The following ZNF770 variants were observed in gnomAD, a reference collection of about 807,000 sequenced individuals.
ZNF770 encodes the protein zinc finger protein 770.
ZNF770 carries 13 observed loss-of-function variants against 44.8 expected under a neutral mutation model. The ratio of observed to expected loss-of-function variants is 0.29; its 90% confidence interval spans 0.19 to 0.46. The LOEUF (loss-of-function observed/expected upper bound fraction) is 0.46. Among genes scored for constraint, ZNF770 ranks in the 20% least tolerant of loss-of-function variants. ZNF770 has a pLI of 1.00. For missense variants in ZNF770, 681 were observed against 797.9 expected (o/e 0.85, Z 1.77); for synonymous variants, 304 against 271.8 (o/e 1.12, Z -1.17).
rs184295682 is a variant in ZNF770, at chr15:34,981,794, A to T, written c.1641T>A (p.Asn547Lys). 27 of 1,614,136 alleles carry T rather than the reference A, an allele frequency of 1.7e-5. No homozygotes were observed. The highest frequency in any genetic ancestry group is 3.3e-4 in the Middle Eastern group (2 of 6,062). Residue 547 changes from asparagine (N) to lysine (K), a missense_variant, in exon 3 of 3, where the codon AAT (asparagine) becomes AAA (lysine). Physicochemically the swap from Asn to Lys is moderately conservative, Grantham distance 94 (BLOSUM62 0). Coordinates refer to ENST00000356321, the MANE Select transcript of ZNF770 (RefSeq NM_014106.4). Reference sequence around the variant, plus strand: ...TATAGTTAACATTATTACCTGAATGATTAGAAAGATTGTTGAAGTTTCCAA... The same window carrying T: ...TATAGTTAACATTATTACCTGAATGTTTAGAAAGATTGTTGAAGTTTCCAA... ...VEFGNFNNLS[N>K]HSGNNVNYNA... is the part of the protein sequence containing the mutation.
chr15:34,988,045 G>A (rs1198470450), intron 1 of ZNF770, 71 bp downstream of exon 1: 4 of 152,320 alleles, frequency 2.6e-5, no homozygotes, highest in Non-Finnish European at 4.4e-5. Flanking sequence ...CTCAATAGGT[G>A]GGGAAGTGAG....
In ZNF770 at chr15:34,981,283, TA is replaced by T. The variant is rs1371530879; in HGVS notation, c.*75del. 1 of 1,422,174 alleles carries T rather than the reference TA, an allele frequency of 7.0e-7. No individual in the cohort carries two copies. The highest frequency in any genetic ancestry group is 2.5e-5 in the East Asian group (1 of 40,726). 88.1% of individuals were successfully genotyped at this position (1,422,174 alleles called of 1,614,324 possible). A position where few individuals can be genotyped will look rare whatever the true frequency, so the allele number is the denominator to read the frequency against. Reference sequence around the variant, plus strand: ...ATTCAGTTTAATGCAGGCCTTTCAATAAAAATGCATTTTAAATAATACAGGC... The same window carrying T: ...ATTCAGTTTAATGCAGGCCTTTCAATAAAATGCATTTTAAATAATACAGGC... On this transcript the variant is annotated 3_prime_UTR_variant, in exon 3 of 3. Coordinates refer to ENST00000356321, the MANE Select transcript of ZNF770 (RefSeq NM_014106.4).
chr15:34,979,859 T>A lies in ZNF770; in HGVS notation c.*1500A>T. On this transcript the variant is annotated 3_prime_UTR_variant, in exon 3 of 3. Coordinates refer to ENST00000356321, the MANE Select transcript of ZNF770 (RefSeq NM_014106.4). Reference sequence around the variant, plus strand: ...TAGAGAATGTCATTCCTGAAGATTTTATAAACAAAGGCAAATATGAAGGAA... The same window carrying A: ...TAGAGAATGTCATTCCTGAAGATTTAATAAACAAAGGCAAATATGAAGGAA... The A allele has an allele frequency of 6.5e-6, 2 of 309,596 alleles. No homozygotes were observed. Among genetic ancestry groups the A allele is most frequent in the Non-Finnish European group, 1.3e-5 (2 of 158,110 alleles). The allele number at this position is 309,596 out of a possible 1,614,324, so 19.2% of individuals were successfully genotyped here.
rs2050381081 is a variant in ZNF770, at chr15:34,978,439, C to T, written c.*2920G>A. The T allele has an allele frequency of 6.6e-6, 1 of 152,048 alleles. No individual in the cohort carries two copies. Among genetic ancestry groups the T allele is most frequent in the Admixed American group, 6.6e-5 (1 of 15,258 alleles). 9.4% of individuals were successfully genotyped at this position (152,048 alleles called of 1,614,324 possible). On this transcript the variant is annotated 3_prime_UTR_variant, in exon 3 of 3. Coordinates refer to ENST00000356321, the MANE Select transcript of ZNF770 (RefSeq NM_014106.4). Reference sequence around the variant, plus strand: ...TAAACACACACACATTTTTATCTTACAATTATAACCCCTATTGCAGTACAA... The same window carrying T: ...TAAACACACACACATTTTTATCTTATAATTATAACCCCTATTGCAGTACAA...
chr15:34,986,551 A>G (rs1227124537), intron 2 of ZNF770, among the ~76,000 whole-genome samples: 2 of 152,242 alleles, frequency 1.3e-5, no homozygotes, highest in African/African-American at 4.8e-5. Flanking sequence ...GAGTCAAACC[A>G]AAAGTAATCA....
chr15:34,979,865 C>A lies in ZNF770; in HGVS notation c.*1494G>T. On this transcript the variant is annotated 3_prime_UTR_variant, in exon 3 of 3. Transcript: ENST00000356321. ...ATGTCATTCCTGAAGATTTTATAAA[C>A]AAAGGCAAATATGAAGGAAAATTTG... The A allele has an allele frequency of 3.3e-6, 1 of 304,830 alleles. No individual in the cohort carries two copies. Among genetic ancestry groups the A allele is most frequent in the Non-Finnish European group, 6.4e-6 (1 of 155,660 alleles). 18.9% of individuals were successfully genotyped at this position (304,830 alleles called of 1,614,324 possible).
intron 2 of ZNF770, among the ~76,000 whole-genome samples, chr15:34,987,039 G>C (rs2050439383): frequency 6.6e-6 from 1 of 152,260 alleles, no homozygotes; most frequent in Non-Finnish European, 1.5e-5. Context: ...TGATCACACA[G>C]GATTTTGGTA....
In ZNF770 at chr15:34,983,414, T is replaced by C; in HGVS notation, c.21A>G (p.Leu7=). 1 of 1,558,990 alleles carries C rather than the reference T, an allele frequency of 6.4e-7. No individual in the cohort carries two copies. The highest frequency in any genetic ancestry group is 8.7e-7 in the Non-Finnish European group (1 of 1,150,592). Residue 7 remains leucine, a synonymous_variant, in exon 3 of 3, where the codon TTA becomes TTG. Coordinates refer to ENST00000356321, the MANE Select transcript of ZNF770 (RefSeq NM_014106.4). ...CACACTGTTGAATCTTTAGCATTTTTAAATTGTTTTCAGCCATCATATTCT... is the reference window on the plus strand; with the variant it reads ...CACACTGTTGAATCTTTAGCATTTTCAAATTGTTTTCAGCCATCATATTCT... The part of the protein sequence containing the change: MMAENN[L]KMLKIQQCVV...
rs548314782 is a variant in ZNF770 at position 34,979,650 on chromosome 15, C to G, written c.*1709G>C. ...AAAGAAGCAAGCAGATCACCCCCAC[C>G]TACTATCCCTCCCGCCTCCCCCCTG... is the stretch of plus-strand genomic sequence containing the variant. On this transcript the variant is annotated 3_prime_UTR_variant, in exon 3 of 3. Transcript: ENST00000356321. 8.9e-6 allele frequency: 4 copies of G among 450,264 alleles called. No homozygotes were observed. The highest frequency in any genetic ancestry group is 6.3e-5 in the South Asian group (4 of 63,210). The allele number at this position is 450,264 out of a possible 1,614,324, so 27.9% of individuals were successfully genotyped here.
In ZNF770 at chr15:34,981,384, A is replaced by G. The variant is rs113686035; in HGVS notation, c.2051T>C (p.Val684Ala). The change falls in exon 3 of 3, where the codon GTG (valine) becomes GCG (alanine). Residue 684 changes from valine (V) to alanine (A), a missense_variant. Coordinates refer to ENST00000356321, the MANE Select transcript of ZNF770 (RefSeq NM_014106.4). The stretch of plus-strand genomic sequence containing the variant: ...TTACATAACCGAATCTAAGGCAACC[A>G]CTTTCCCTTGTGGTCGTTCTTTAAA... ...THFKERPQGK[V>A]VALDSVM 2.2e-5 allele frequency: 35 copies of G among 1,612,008 alleles called. No homozygotes were observed. The African/African-American group carries it at 3.6e-4, about 17-fold the overall frequency.
chr15:34,983,012 TA>T lies in ZNF770; in HGVS notation c.422del (p.Leu141TyrfsTer13). 1 of 1,614,064 alleles carries T rather than the reference TA, an allele frequency of 6.2e-7. No individual in the cohort carries two copies. Among genetic ancestry groups the T allele is most frequent in the Non-Finnish European group, 8.5e-7 (1 of 1,179,950 alleles). ...NTFTTEERWA[L>X]HPCSKSDPMY... Reference sequence around the variant, plus strand: ...TGGGATCAGACTTAGAGCACGGGTGTAATGCCCATCTTTCCTCTGTGGTAAA... The same window carrying T: ...TGGGATCAGACTTAGAGCACGGGTGTATGCCCATCTTTCCTCTGTGGTAAA... On this transcript the variant is annotated frameshift_variant, in exon 3 of 3. Transcript: ENST00000356321. LOFTEE classifies it high-confidence loss of function.
In ZNF770 at chr15:34,987,582, AGGCTGAAAGCC is replaced by A. The variant is rs1306041618; in HGVS notation, c.-93_-83del. 2 of 152,284 alleles carry A rather than the reference AGGCTGAAAGCC, an allele frequency of 1.3e-5. No homozygotes were observed. The highest frequency in any genetic ancestry group is 2.9e-5 in the Non-Finnish European group (2 of 68,054). The allele number at this position is 152,284 out of a possible 1,614,324, so 9.4% of individuals were successfully genotyped here. A position where few individuals can be genotyped will look rare whatever the true frequency, so the allele number is the denominator to read the frequency against. On this transcript the variant is annotated 5_prime_UTR_variant, in exon 2 of 3. An upstream open reading frame in the 5' UTR loses its in-frame stop. Coordinates refer to ENST00000356321, the MANE Select transcript of ZNF770 (RefSeq NM_014106.4). ...CTCAATAATATCCAATGTTGCCTCAAGGCTGAAAGCCTGTTGATTTTCTTGTCTTGACTAGT... is the reference window on the plus strand; with the variant it reads ...CTCAATAATATCCAATGTTGCCTCAATGTTGATTTTCTTGTCTTGACTAGT...
rs1270350106 is a variant in ZNF770, at chr15:34,988,201, G to C, written c.-259C>G. 6.6e-6 allele frequency: 1 copy of C among 152,234 alleles called. No individual in the cohort carries two copies. The highest frequency in any genetic ancestry group is 1.5e-5 in the Non-Finnish European group (1 of 68,068). 9.4% of individuals were successfully genotyped at this position (152,234 alleles called of 1,614,324 possible). On this transcript the variant is annotated 5_prime_UTR_variant, in exon 1 of 3. Transcript: ENST00000356321. ...TTCTGAAGTCCTCCTCACGCATCTG[G>C]AGCTGGCGAGGGCCCGGGAGGCACG... is the stretch of plus-strand genomic sequence containing the variant.
At chr15:34,987,823 T>C (rs1380207934) in intron 1 of ZNF770, 150 bp from the exon 2 acceptor site, 1 of 152,182 alleles carries the variant, frequency 6.6e-6, no homozygotes, top group Non-Finnish European at 1.5e-5. Context: ...CACACAGTCC[T>C]CGTTCTAAAG....
At chr15:34,983,583 C>T (rs1199991921) in intron 2 of ZNF770, 93 bp from the exon 3 acceptor site, 9 of 601,870 alleles carry the variant, frequency 1.5e-5, no homozygotes, top group Non-Finnish European at 2.3e-5. Context: ...ATATTAAAGG[C>T]AAAGGAGAAT....
In ZNF770 at chr15:34,979,151, G is replaced by A. The variant is rs1234472889; in HGVS notation, c.*2208C>T. 6.5e-6 allele frequency: 1 copy of A among 152,850 alleles called. No homozygotes were observed. Among genetic ancestry groups the A allele is most frequent in the Admixed American group, 6.5e-5 (1 of 15,268 alleles). The allele number at this position is 152,850 out of a possible 1,614,324, so 9.5% of individuals were successfully genotyped here. On this transcript the variant is annotated 3_prime_UTR_variant, in exon 3 of 3. Transcript: ENST00000356321. ...TAAAAAGGCATGGGTCAAAAATAAA[G>A]TATAGTAGTATCACTTACGCAAATA...
In ZNF770 at chr15:34,982,999, T is replaced by C. The variant is rs1466976417; in HGVS notation, c.436A>G (p.Lys146Glu). Reference sequence around the variant, plus strand: ...TTCATGCTATACATGGGATCAGACTTAGAGCACGGGTGTAATGCCCATCTT... The same window carrying C: ...TTCATGCTATACATGGGATCAGACTCAGAGCACGGGTGTAATGCCCATCTT... ...EERWALHPCS[K>E]SDPMYSMKRR... The change falls in exon 3 of 3, where the codon AAG (lysine) becomes GAG (glutamate). Residue 146 changes from lysine (K) to glutamate (E), a missense_variant. By Grantham distance (56) the Lys-to-Glu change is moderately conservative. Transcript: ENST00000356321. 6.2e-7 allele frequency: 1 copy of C among 1,614,084 alleles called. No homozygotes were observed. The highest frequency in any genetic ancestry group is 1.1e-5 in the South Asian group (1 of 91,084).
At position 34,981,666 on chromosome 15, in the gene ZNF770, C is replaced by T; in HGVS notation, c.1769G>A (p.Gly590Asp). 1 of 1,614,054 alleles carries T rather than the reference C, an allele frequency of 6.2e-7. No homozygotes were observed. Among genetic ancestry groups the T allele is most frequent in the Non-Finnish European group, 8.5e-7 (1 of 1,180,028 alleles). The stretch of plus-strand genomic sequence containing the variant: ...AGGAAGACAGGGTTGCCCGGTGCTA[C>T]CAGGAATAAAATCCTGTGACTCTGC... ...VKAESQDFIP[G>D]STGQPCLPNV... Residue 590 changes from glycine to aspartate, a missense_variant, in exon 3 of 3, where the codon GGT becomes GAT. Transcript: ENST00000356321.
At position 34,982,719 on chromosome 15, in the gene ZNF770, G is replaced by C. The variant is rs763176106; in HGVS notation, c.716C>G (p.Thr239Ser). ...SKLLKHKQIH[T>S]RNKAFRALLL... is the part of the protein sequence containing the mutation. ...AAGAGCCCGAAAAGCCTTATTCCTAGTATGGATTTGTTTATGCTTCAGAAG... is the reference window on the plus strand; with the variant it reads ...AAGAGCCCGAAAAGCCTTATTCCTACTATGGATTTGTTTATGCTTCAGAAG... The change falls in exon 3 of 3, where the codon ACT becomes AGT. Residue 239 changes from threonine (T) to serine (S), a missense_variant. Transcript: ENST00000356321. The C allele has an allele frequency of 2.2e-5, 35 of 1,613,482 alleles. No homozygotes were observed. The highest frequency in any genetic ancestry group is 2.9e-5 in the Non-Finnish European group (34 of 1,179,948).
Sources: allele counts gnomAD v4.1 joint callset (sites outside exome capture counted in the v4.1 genomes callset), GRCh38; gene constraint gnomAD v4.1.1; transcripts MANE v1.5; gene names NCBI Gene and HGNC (gene_info 2026-07-23, HGNC 2026-07-21).